The following PTPRD variants were observed in gnomAD, a reference collection of about 807,000 sequenced individuals.
PTPRD encodes the protein receptor-type tyrosine-protein phosphatase delta.
PTPRD carries 34 observed loss-of-function variants against 214.5 expected under a neutral mutation model. The observed-to-expected ratio is 0.16, with a 90% CI of 0.12 to 0.21. The LOEUF is 0.21. PTPRD is among the 10% of genes least tolerant of loss of function. The pLI, the probability that PTPRD is intolerant of heterozygous loss-of-function variation, is 1.00. For synonymous variants in PTPRD, 1,128 were observed against 845.7 expected (o/e 1.33, Z -5.79); for missense variants, 2,545 against 2,398.7 (o/e 1.06, Z -1.27).
intron 3 of PTPRD, among the ~76,000 whole-genome samples, chr9:10,324,881 A>G (rs1341312323): frequency 2.6e-5 from 4 of 152,074 alleles, no homozygotes; most frequent in East Asian, 1.9e-4. Flanking sequence ...AATCAAATGT[A>G]TAAGTCAACA....
intron 5 of PTPRD, among the ~76,000 whole-genome samples, chr9:9,930,179 G>C (rs1319829509): frequency 1.3e-5 from 2 of 152,170 alleles, no homozygotes; most frequent in Admixed American, 6.5e-5. Flanking sequence ...CCAGACATCA[G>C]CACTGGAAAC....
At chr9:9,921,113 G>A (rs2082419254) in intron 5 of PTPRD, among the ~76,000 whole-genome samples, 1 of 151,926 alleles carries the variant, frequency 6.6e-6, no homozygotes, top group African/African-American at 2.4e-5. Context: ...TAAATTTGAT[G>A]GCCTGCTTCT....
At chr9:10,214,399 C>A (rs1187591190) in intron 3 of PTPRD, among the ~76,000 whole-genome samples, 1 of 151,054 alleles carries the variant, frequency 6.6e-6, no homozygotes, top group Non-Finnish European at 1.5e-5. Flanking sequence ...GCCTCTGCCT[C>A]CAGAGTAGCT....
At chr9:9,073,862 A>G (rs1374594060) in intron 10 of PTPRD, among the ~76,000 whole-genome samples, 1 of 152,150 alleles carries the variant, frequency 6.6e-6, no homozygotes, top group East Asian at 1.9e-4. Flanking sequence ...CCTCATTTTT[A>G]TATTATATGT....
At chr9:8,410,972 C>T (rs2093466226) in intron 35 of PTPRD, among the ~76,000 whole-genome samples, 1 of 151,748 alleles carries the variant, frequency 6.6e-6, no homozygotes, top group African/African-American at 2.4e-5. Context: ...TATCATAGTA[C>T]TAAAGATGAA....
chr9:8,453,469 A>AAGGT (rs1292101210), intron 33 of PTPRD, among the ~76,000 whole-genome samples: 3 of 152,174 alleles, frequency 2.0e-5, no homozygotes, highest in Non-Finnish European at 4.4e-5. Context: ...TGGCCGATGA[A>AAGGT]AGGTAGTATT....
intron 10 of PTPRD, among the ~76,000 whole-genome samples, chr9:9,177,958 T>C (rs2099925934): frequency 1.3e-5 from 2 of 152,244 alleles, no homozygotes; most frequent in African/African-American, 4.8e-5. Flanking sequence ...ACATGAAATA[T>C]TTTATCGATG....
At chr9:8,727,432 G>A (rs1039885683) in intron 12 of PTPRD, among the ~76,000 whole-genome samples, 1 of 152,146 alleles carries the variant, frequency 6.6e-6, no homozygotes, top group Non-Finnish European at 1.5e-5. Flanking sequence ...TGCTAATTTA[G>A]CTACTTTAAA....
At chr9:10,243,519 T>C (rs1365044153) in intron 3 of PTPRD, among the ~76,000 whole-genome samples, 1 of 152,036 alleles carries the variant, frequency 6.6e-6, no homozygotes, top group Non-Finnish European at 1.5e-5. Context: ...TACAATTGCA[T>C]AGGTCCTCTT....
At chr9:10,519,257 C>CGA (rs1555465157) in intron 2 of PTPRD, among the ~76,000 whole-genome samples, 13 of 71,466 alleles carry the variant, frequency 1.8e-4, no homozygotes, top group Admixed American at 4.1e-4. Flanking sequence ...ATTTCCTCCA[C>CGA]AAAAAAAAAA....
intron 2 of PTPRD, among the ~76,000 whole-genome samples, chr9:10,437,489 T>G (rs562527459): frequency 2.0e-5 from 3 of 151,916 alleles, no homozygotes; most frequent in Admixed American, 1.3e-4. Context: ...AAAATTAATG[T>G]GGCTTGATAT....
intron 2 of PTPRD, among the ~76,000 whole-genome samples, chr9:10,443,488 C>T (rs16926027): frequency 0.076 from 11,510 of 151,582 alleles, 713 homozygotes; most frequent in African/African-American, 0.16. Context: ...TTACAAAGAG[C>T]TCACAATAAT....
intron 34 of PTPRD, chr9:8,437,135 G>C (rs1381068005): frequency 1.5e-5 from 18 of 1,186,502 alleles, no homozygotes; most frequent in Non-Finnish European, 2.1e-5. Context: ...AGGCCTAAAA[G>C]GGAAAGAGTA....
At chr9:9,708,184 T>C (rs2097661612) in intron 7 of PTPRD, among the ~76,000 whole-genome samples, 1 of 151,238 alleles carries the variant, frequency 6.6e-6, no homozygotes. Context: ...AGAAATAATA[T>C]GTTTACAGAA....
At chr9:9,158,730 A>T (rs2099883569) in intron 10 of PTPRD, among the ~76,000 whole-genome samples, 1 of 152,190 alleles carries the variant, frequency 6.6e-6, no homozygotes, top group African/African-American at 2.4e-5. Context: ...TTACCACAGT[A>T]TCAAAGTCAG....
At chr9:9,247,311 ATTTG>A (rs1266867506) in intron 9 of PTPRD, among the ~76,000 whole-genome samples, 1 of 152,006 alleles carries the variant, frequency 6.6e-6, no homozygotes, top group Non-Finnish European at 1.5e-5. Flanking sequence ...AGATCATTCC[ATTTG>A]TGTCCAATCA....
chr9:10,426,959 G>A (rs1484706045), intron 2 of PTPRD, among the ~76,000 whole-genome samples: 2 of 152,066 alleles, frequency 1.3e-5, no homozygotes, highest in African/African-American at 2.4e-5. Flanking sequence ...ATGACAAAGA[G>A]GCCCAATGTA....
At chr9:8,925,532 AC>A (rs1055801799) in intron 11 of PTPRD, among the ~76,000 whole-genome samples, 12 of 151,688 alleles carry the variant, frequency 7.9e-5, no homozygotes, top group African/African-American at 2.7e-4. Context: ...AACAAAAAAA[AC>A]CAACTACAAG....
intron 8 of PTPRD, among the ~76,000 whole-genome samples, chr9:9,506,244 A>G (rs1411049644): frequency 1.3e-5 from 2 of 151,424 alleles, no homozygotes; most frequent in Non-Finnish European, 3.0e-5. Context: ...TTTATGCAAC[A>G]TGATTCGAAA....
Sources: allele counts gnomAD v4.1 joint callset (sites outside exome capture counted in the v4.1 genomes callset), GRCh38; gene constraint gnomAD v4.1.1; transcripts MANE v1.5; gene names NCBI Gene and HGNC (gene_info 2026-07-23, HGNC 2026-07-21).